The following PRR14L variants were observed in gnomAD, a reference collection of about 807,000 sequenced individuals.
PRR14L encodes protein PRR14L.
Under a neutral mutation model 155.0 loss-of-function variants are expected in PRR14L, and 80 were observed. The observed-to-expected ratio is 0.52, with a 90% confidence interval of 0.43 to 0.62. PRR14L has a LOEUF of 0.62. Ranked by LOEUF, PRR14L falls within the 20% of genes least tolerant of loss-of-function variation. PRR14L has a pLI of 0.00. For synonymous variants in PRR14L, 883 were observed against 916.0 expected (o/e 0.96, Z 0.65); for missense variants, 2,469 against 2,548.0 (o/e 0.97, Z 0.67).
chr22:31,687,067 C>T (rs751847733), intron 8 of PRR14L, among the ~76,000 whole-genome samples: 35 of 152,152 alleles, frequency 2.3e-4, no homozygotes, highest in Non-Finnish European at 3.2e-4. Context: ...GATGGAGTTT[C>T]GCTCTTGTTG....
intron 1 of PRR14L, among the ~76,000 whole-genome samples, chr22:31,744,064 C>G (rs1477664346): frequency 6.7e-6 from 1 of 148,662 alleles, no homozygotes. Flanking sequence ...GTCGCCCAGG[C>G]TGGAGTGTGG....
Position 31,738,601 on chromosome 22 carries a change from C to T in PRR14L, c.260G>A (p.Ser87Asn), listed in dbSNP as rs773778363. ...EETYETLDHG[S>N]EPGRCGLVDS... ...CACTAGCCCACATCGCCCAGGCTCA[C>T]TCCCATGATCCAAGGTCTCATAGGT... Residue 87 changes from serine to asparagine, a missense_variant, in exon 2 of 9, where the codon AGT (serine) becomes AAT (asparagine). Transcript: ENST00000327423. 5.2e-5 allele frequency: 80 copies of T among 1,551,984 alleles called. No homozygotes were observed. Among genetic ancestry groups the T allele is most frequent in the Non-Finnish European group, 6.8e-5 (78 of 1,147,096 alleles).
chr22:31,737,507 G>T (rs2074788768), intron 2 of PRR14L, among the ~76,000 whole-genome samples: 1 of 151,508 alleles, frequency 6.6e-6, no homozygotes, highest in South Asian at 2.1e-4. Flanking sequence ...AATTTGGAGG[G>T]CCCAGCTCAG....
chr22:31,739,223 C>A (rs1205847965), intron 1 of PRR14L, among the ~76,000 whole-genome samples: 1 of 152,156 alleles, frequency 6.6e-6, no homozygotes, highest in African/African-American at 2.4e-5. Flanking sequence ...CAAGGATAGA[C>A]CTGATGTAAA....
intron 7 of PRR14L, among the ~76,000 whole-genome samples, chr22:31,691,250 T>C (rs2074510311): frequency 6.6e-6 from 1 of 151,996 alleles, no homozygotes; most frequent in South Asian, 2.1e-4. Context: ...CACAGGCATG[T>C]CGGGCTAATT....
chr22:31,693,176 C>A (rs1694818573), intron 7 of PRR14L, among the ~76,000 whole-genome samples: 1 of 152,110 alleles, frequency 6.6e-6, no homozygotes, highest in African/African-American at 2.4e-5. Context: ...CACATAATGC[C>A]ATGTATCCCT....
rs974356840 is a variant in PRR14L at position 31,716,484 on chromosome 22, T to C, written c.1355A>G (p.His452Arg). The change falls in exon 4 of 9, where the codon CAT becomes CGT. Residue 452 changes from histidine (H) to arginine (R), a missense_variant. Physicochemically the swap from His to Arg is conservative, Grantham distance 29. Around this residue, in one of 2 missense-constraint regions of PRR14L, gnomAD observed 2,363 missense variants for 2,371.6 expected, o/e 1.00. Transcript: ENST00000327423. ...IHNNCIQDSL[H>R]TGNSSSLMPN... ...CATTAAAGAACTAGAGTTCCCTGTA[T>C]GGAGACTGTCTTGAATGCAGTTATT... 3.2e-6 allele frequency: 5 copies of C among 1,549,788 alleles called. No homozygotes were observed. Among genetic ancestry groups the C allele is most frequent in the African/African-American group, 2.7e-5 (2 of 72,852 alleles).
In PRR14L at chr22:31,712,338, A is replaced by C; in HGVS notation, c.5501T>G (p.Ile1834Ser). ...LALCSPGCYR[I>S]WTKKRSFSSH... ...GGAGAAGCTCCGTTTTTTTGTCCAG[A>C]TTCGGTAACATCCTGGGGAACAAAG... The change falls in exon 4 of 9, where the codon ATC becomes AGC. Residue 1834 changes from isoleucine (I) to serine (S), a missense_variant. Coordinates refer to ENST00000327423, the MANE Select transcript of PRR14L (RefSeq NM_173566.3). 1 of 1,614,074 alleles carries C rather than the reference A, an allele frequency of 6.2e-7. No homozygotes were observed. Among genetic ancestry groups the C allele is most frequent in the Non-Finnish European group, 8.5e-7 (1 of 1,179,986 alleles).
intron 6 of PRR14L, among the ~76,000 whole-genome samples, chr22:31,702,798 G>A (rs1212755499): frequency 6.6e-6 from 1 of 151,690 alleles, no homozygotes; most frequent in Non-Finnish European, 1.5e-5. Flanking sequence ...TCACAGGCGT[G>A]AGCCACCGTG....
At chr22:31,740,500 G>C (rs529208766) in intron 1 of PRR14L, among the ~76,000 whole-genome samples, 159 of 152,178 alleles carry the variant, frequency 1.0e-3, no homozygotes, top group Non-Finnish European at 2.0e-3. Flanking sequence ...TTACAGGCAT[G>C]AGTCACTGTG....
In PRR14L at chr22:31,713,881, C is replaced by A. The variant is rs1158732424; in HGVS notation, c.3958G>T (p.Asp1320Tyr). ...KACHPHENSS[D>Y]RHLPLTVKTD... Reference sequence around the variant, plus strand: ...TTCACTGTCAAAGGCAAATGTCTGTCAGAGGAATTCTCGTGAGGGTGACAA... The same window carrying A: ...TTCACTGTCAAAGGCAAATGTCTGTAAGAGGAATTCTCGTGAGGGTGACAA... Residue 1320 changes from aspartate to tyrosine, a missense_variant, in exon 4 of 9, where the codon GAC becomes TAC. By Grantham distance (160) the Asp-to-Tyr change is radical (BLOSUM62 -3). Coordinates refer to ENST00000327423, the MANE Select transcript of PRR14L (RefSeq NM_173566.3). 1.3e-6 allele frequency: 2 copies of A among 1,552,006 alleles called. No homozygotes were observed. Among genetic ancestry groups the A allele is most frequent in the Non-Finnish European group, 1.7e-6 (2 of 1,147,096 alleles).
chr22:31,688,995 ATGCT>A (rs1190744030), intron 7 of PRR14L, among the ~76,000 whole-genome samples: 3 of 152,122 alleles, frequency 2.0e-5, no homozygotes, highest in Non-Finnish European at 4.4e-5. Context: ...AGCAGGCCAT[ATGCT>A]TGCTTTTTTC....
chr22:31,701,723 G>A lies in PRR14L; in HGVS notation c.6040C>T (p.Arg2014Cys), dbSNP rs1216544288. Reference sequence around the variant, plus strand: ...GGCCTAGGAATGGTTTTCCGGATGCGAATCTGTGAGACTTTCTTTGGCCTC... The same window carrying A: ...GGCCTAGGAATGGTTTTCCGGATGCAAATCTGTGAGACTTTCTTTGGCCTC... Reference protein sequence around the residue: ...EKRPKKVSQIRIRKTIPRPDP... With the variant: ...EKRPKKVSQICIRKTIPRPDP... The change falls in exon 7 of 9, where the codon CGC becomes TGC. Residue 2014 changes from arginine (R) to cysteine (C), a missense_variant. By Grantham distance (180) the Arg-to-Cys change is radical. Coordinates refer to ENST00000327423, the MANE Select transcript of PRR14L (RefSeq NM_173566.3). 1.2e-6 allele frequency: 2 copies of A among 1,613,948 alleles called. No homozygotes were observed. Among genetic ancestry groups the A allele is most frequent in the Non-Finnish European group, 8.5e-7 (1 of 1,179,932 alleles).
chr22:31,729,689 G>T (rs186282138), intron 2 of PRR14L, among the ~76,000 whole-genome samples: 1 of 152,278 alleles, frequency 6.6e-6, no homozygotes, highest in East Asian at 1.9e-4. Context: ...CCACTTGAAT[G>T]ATGTACCTAG....
chr22:31,718,545 C>T (rs1024006226), intron 3 of PRR14L, among the ~76,000 whole-genome samples: 6 of 151,654 alleles, frequency 4.0e-5, no homozygotes, highest in Admixed American at 1.3e-4. Context: ...TGAGCCACCA[C>T]GCCCGGCCTG....
chr22:31,713,197 C>T lies in PRR14L; in HGVS notation c.4642G>A (p.Ala1548Thr), dbSNP rs759920962. The T allele has an allele frequency of 3.8e-5, 59 of 1,551,706 alleles. No homozygotes were observed. Among genetic ancestry groups the T allele is most frequent in the African/African-American group, 5.5e-5 (4 of 73,018 alleles). ...GRKIGKIRSS[A>T]FLKSSSNPIP... is the part of the protein sequence containing the mutation. ...GGATTGGAAGAACTCTTTAAAAAGG[C>T]AGAACTTCTGATTTTACCTATTTTT... Residue 1548 changes from alanine to threonine, a missense_variant, in exon 4 of 9, where the codon GCC becomes ACC. By Grantham distance (58) the Ala-to-Thr change is moderately conservative. Coordinates refer to ENST00000327423, the MANE Select transcript of PRR14L (RefSeq NM_173566.3).
chr22:31,741,624 C>T (rs532319342), intron 1 of PRR14L, among the ~76,000 whole-genome samples: 1 of 152,310 alleles, frequency 6.6e-6, no homozygotes, highest in Admixed American at 6.5e-5. Flanking sequence ...ATAATCCCAG[C>T]ACTTTGGGAG....
intron 3 of PRR14L, among the ~76,000 whole-genome samples, chr22:31,719,312 C>G (rs565140884): frequency 6.6e-6 from 1 of 151,426 alleles, no homozygotes; most frequent in Non-Finnish European, 1.5e-5. Flanking sequence ...ACTTGGGAGG[C>G]TGAGGCAGGA....
At chr22:31,700,942 T>A (rs1205355918) in intron 7 of PRR14L, among the ~76,000 whole-genome samples, 2 of 151,970 alleles carry the variant, frequency 1.3e-5, no homozygotes, top group East Asian at 3.9e-4. Context: ...CATTTGCTGA[T>A]AAGAAATGGA....
Sources: gnomAD v4.1 joint callset for allele counts (sites outside exome capture counted in the v4.1 genomes callset) on GRCh38, gnomAD v4.1.1 for gene constraint, gnomAD v4.1.1 regional missense constraint, MANE v1.5 for transcripts, NCBI Gene and HGNC (gene_info 2026-07-23, HGNC 2026-07-21) for gene names.